The following XKRX variants were observed in gnomAD, a reference collection of about 807,000 sequenced individuals.
XKRX encodes XK-related protein 2.
A neutral mutation model predicts 22.4 loss-of-function variants in XKRX; 11 were observed. That is an observed-to-expected ratio of 0.49 (90% CI 0.31 to 0.81). The LOEUF is 0.81. XKRX is among the 40% of genes least tolerant of loss of function. XKRX has a pLI of 0.05. For missense variants in XKRX, 320 were observed against 336.5 expected (o/e 0.95, Z 0.38); for synonymous variants, 114 against 132.2 (o/e 0.86, Z 0.94).
At chrX:100,946,160 G>A in the XKRX span, among the ~76,000 whole-genome samples, 47 of 108,677 alleles carry the variant, frequency 4.3e-4, no homozygotes, top group East Asian at 8.1e-3. Flanking sequence ...ACTCTAGCCC[G>A]GGCAACAGTG....
chrX:100,899,830 G>A, the XKRX span, among the ~76,000 whole-genome samples: 3 of 111,614 alleles, frequency 2.7e-5, no homozygotes, highest in Admixed American at 2.9e-4. Flanking sequence ...ATTATAAAAC[G>A]TTGTTGAAAG....
chrX:100,902,781 C>T, the XKRX span, among the ~76,000 whole-genome samples: 2 of 109,164 alleles, frequency 1.8e-5, no homozygotes, highest in African/African-American at 6.6e-5. Context: ...GATGGAGTCT[C>T]GCTCTGTCAC....
At position 100,927,991 on chromosome X, in the gene XKRX, A is replaced by G. The variant is rs1252858157; in HGVS notation, c.314T>C (p.Ile105Thr). ...DKPLSLFMHL[I>T]LLGPVIRCLE... ...TCACCTGATAACAGGTCCCAAGAGG[A>G]TTAGATGCATAAATAATGATAGCGG... Residue 105 changes from isoleucine to threonine, a missense_variant, in exon 1 of 3, where the codon ATC becomes ACC. Coordinates refer to ENST00000372956, the MANE Select transcript of XKRX (RefSeq NM_212559.3). 1.7e-6 allele frequency: 2 copies of G among 1,204,025 alleles called. No individual in the cohort carries two copies. Among genetic ancestry groups the G allele is most frequent in the Admixed American group, 4.4e-5 (2 of 45,210 alleles).
the XKRX span, chrX:100,888,684 T>C: frequency 2.9e-6 from 1 of 339,108 alleles, no homozygotes; most frequent in Non-Finnish European, 5.2e-6. Context: ...GGAGAGGCTA[T>C]TTTAAATAGA....
At chrX:100,906,573 TA>T in the XKRX span, among the ~76,000 whole-genome samples, 1 of 112,012 alleles carries the variant, frequency 8.9e-6, no homozygotes, top group African/African-American at 3.2e-5. Flanking sequence ...AGAGGCCTGT[TA>T]AAAAAATTAT....
intron 2 of XKRX, among the ~76,000 whole-genome samples, chrX:100,917,902 C>T (rs372041945): frequency 3.6e-5 from 4 of 111,371 alleles, no homozygotes; most frequent in African/African-American, 1.3e-4. Context: ...AATTTCCAAA[C>T]CCTGTTGCCT....
At chrX:100,950,924 CACTT>C in the XKRX span, among the ~76,000 whole-genome samples, 2 of 111,316 alleles carry the variant, frequency 1.8e-5, no homozygotes, top group Non-Finnish European at 3.8e-5. Flanking sequence ...TAGGACTAAA[CACTT>C]ACATTAGAAA....
chrX:100,932,954 C>A (rs1425372497), upstream of XKRX, among the ~76,000 whole-genome samples: 1 of 110,967 alleles, frequency 9.0e-6, no homozygotes, highest in Non-Finnish European at 1.9e-5. Context: ...TGCTTGAGCC[C>A]AGGAGTTTGA....
chrX:100,952,621 A>G, the XKRX span, among the ~76,000 whole-genome samples: 1 of 112,006 alleles, frequency 8.9e-6, no homozygotes, highest in Non-Finnish European at 1.9e-5. Flanking sequence ...TCAAAGAATC[A>G]ACACACATTA....
Position 100,914,294 on chromosome X carries a change from T to A in XKRX, c.*44A>T, listed in dbSNP as rs1361063493. On this transcript the variant is annotated 3_prime_UTR_variant, in exon 3 of 3. Coordinates refer to ENST00000372956, the MANE Select transcript of XKRX (RefSeq NM_212559.3). ...TCCTTTCGTTCAATTTCATGGTTAC[T>A]CTTGGCAACTCCCAACTCTTCCTAA... 4.2e-6 allele frequency: 5 copies of A among 1,178,652 alleles called. No individual in the cohort carries two copies. The Admixed American group carries it at 7.1e-5, about 17-fold the overall frequency.
At position 100,928,090 on chromosome X, in the gene XKRX, G is replaced by T; in HGVS notation, c.215C>A (p.Ser72Tyr). The T allele has an allele frequency of 8.3e-7, 1 of 1,211,579 alleles. No individual in the cohort carries two copies. Among genetic ancestry groups the T allele is most frequent in the Non-Finnish European group, 1.1e-6 (1 of 895,472 alleles). Residue 72 changes from serine to tyrosine, a missense_variant, in exon 1 of 3, where the codon TCT becomes TAT. By Grantham distance (144) the Ser-to-Tyr change is moderately radical (BLOSUM62 -2). Transcript: ENST00000372956. ...SETYWMTYTF[S>Y]FFMFSSIMVQ... ...CATAATGGATGAAAACATAAAGAAAGAAAAGGTGTATGTCATCCAGTAAGT... is the reference window on the plus strand; with the variant it reads ...CATAATGGATGAAAACATAAAGAAATAAAAGGTGTATGTCATCCAGTAAGT...
At chrX:100,922,733 G>GT (rs921889298) in intron 2 of XKRX, 60 bp downstream of exon 2, 16 of 1,131,009 alleles carry the variant, frequency 1.4e-5, no homozygotes, top group Non-Finnish European at 1.9e-5. Flanking sequence ...GACAGCTTGG[G>GT]TCTAGACTTC....
chrX:100,946,876 G>T, the XKRX span, among the ~76,000 whole-genome samples: 3 of 111,758 alleles, frequency 2.7e-5, no homozygotes, highest in Non-Finnish European at 3.8e-5. Flanking sequence ...ACAGAGCAGG[G>T]TATAAAAGGG....
Position 100,922,805 on chromosome X carries a change from G to A in XKRX, c.592C>T (p.Pro198Ser), listed in dbSNP as rs753013517. 1 of 1,208,618 alleles carries A rather than the reference G, an allele frequency of 8.3e-7. No homozygotes were observed. The highest frequency in any genetic ancestry group is 1.8e-5 in the African/African-American group (1 of 57,057). Residue 198 changes from proline (P) to serine (S), a missense_variant, in exon 2 of 3, where the codon CCC (proline) becomes TCC (serine). By Grantham distance (74) the Pro-to-Ser change is moderately conservative. Transcript: ENST00000372956. ...LYVSLISAEVPLGRVVLMVFS... is the reference protein window; with the variant it reads ...LYVSLISAEVSLGRVVLMVFS... ...TGACCCCACTCACCTCTACCCAGGGGAACCTCTGCAGAGATCAGGCTCACA... is the reference window on the plus strand; with the variant it reads ...TGACCCCACTCACCTCTACCCAGGGAAACCTCTGCAGAGATCAGGCTCACA...
At chrX:100,940,221 A>G in the XKRX span, among the ~76,000 whole-genome samples, 1 of 111,931 alleles carries the variant, frequency 8.9e-6, no homozygotes, top group Non-Finnish European at 1.9e-5. Flanking sequence ...TTTAGGAGCT[A>G]TAATCATCTC....
chrX:100,932,985 T>C (rs750845257), upstream of XKRX, among the ~76,000 whole-genome samples: 16 of 109,903 alleles, frequency 1.5e-4, no homozygotes, highest in Non-Finnish European at 2.1e-4. Context: ...GGCAACAAAG[T>C]GAGACCCTGT....
At chrX:100,893,651 T>C in the XKRX span, among the ~76,000 whole-genome samples, 1 of 112,082 alleles carries the variant, frequency 8.9e-6, no homozygotes, top group Non-Finnish European at 1.9e-5. Flanking sequence ...AACAAAATAA[T>C]GTCATTTGCA....
At chrX:100,952,386 G>A in the XKRX span, among the ~76,000 whole-genome samples, 2 of 108,822 alleles carry the variant, frequency 1.8e-5, no homozygotes, top group African/African-American at 3.4e-5. Flanking sequence ...TGGCATGGGG[G>A]TCGCTGGCCT....
chrX:100,937,413 C>G, the XKRX span, among the ~76,000 whole-genome samples: 11 of 111,968 alleles, frequency 9.8e-5, no homozygotes, highest in Admixed American at 9.5e-4. Flanking sequence ...GACCATCTCC[C>G]CAGTTTACCA....
Sources: allele counts gnomAD v4.1 joint callset (sites outside exome capture counted in the v4.1 genomes callset), GRCh38; gene constraint gnomAD v4.1.1; transcripts MANE v1.5; gene names NCBI Gene and HGNC (gene_info 2026-07-23, HGNC 2026-07-21).